Variants in POT1 observed in about 807,000 individuals in gnomAD.
The protein encoded by POT1 is protection of telomeres 1, also known as protection of telomeres protein 1.
A neutral mutation model predicts 78.5 loss-of-function variants in POT1; 47 were observed. The observed-to-expected ratio is 0.60, with a 90% confidence interval of 0.47 to 0.76. The LOEUF (loss-of-function observed/expected upper bound fraction) is 0.76. Among genes scored for constraint, POT1 ranks in the 30% least tolerant of loss-of-function variants. POT1 has a pLI of 0.00. For synonymous variants in POT1, 259 were observed against 260.7 expected (o/e 0.99, Z 0.06); for missense variants, 646 against 749.9 (o/e 0.86, Z 1.62).
chr7:124,900,997 G>A (rs1391800991), intron 3 of POT1, among the ~76,000 whole-genome samples: 1 of 152,174 alleles, frequency 6.6e-6, no homozygotes, highest in African/African-American at 2.4e-5. Context: ...CAAAGCGGCT[G>A]GGAAGCTTGA....
Position 124,841,002 on chromosome 7 carries a change from A to G in POT1, c.1340T>C (p.Leu447Pro), listed in dbSNP as rs1450240396. ...TATCAAAAGTAGACATTCATTTGAA[A>G]GCGGGAGAATACCATTATTTTTCAC... ...HFVKNNGILP[L>P]SNECLLLIEG... Residue 447 changes from leucine to proline, a missense_variant, in exon 14 of 19, where the codon CTT (leucine) becomes CCT (proline). Transcript: ENST00000357628. 2 of 1,609,764 alleles carry G rather than the reference A, an allele frequency of 1.2e-6. No homozygotes were observed. Among genetic ancestry groups the G allele is most frequent in the African/African-American group, 1.3e-5 (1 of 74,824 alleles).
intron 6 of POT1, among the ~76,000 whole-genome samples, chr7:124,874,046 G>A (rs936196057): frequency 4.6e-5 from 7 of 152,166 alleles, no homozygotes; most frequent in African/African-American, 1.2e-4. Context: ...CTTATTCTCC[G>A]CTTCCCTGAA....
At chr7:124,865,035 A>C (rs1795687049) in intron 7 of POT1, among the ~76,000 whole-genome samples, 2 of 152,308 alleles carry the variant, frequency 1.3e-5, no homozygotes, top group Admixed American at 1.3e-4. Context: ...TTTATATAAA[A>C]TGTTTTTATT....
intron 2 of POT1, among the ~76,000 whole-genome samples, chr7:124,916,019 T>C (rs972522140): frequency 6.6e-6 from 1 of 152,120 alleles, no homozygotes; most frequent in Non-Finnish European, 1.5e-5. Context: ...AATAAAGATT[T>C]AGAAATGCAA....
At chr7:124,929,636 A>C (rs1178035509) in intron 1 of POT1, 158 bp downstream of exon 1, 1 of 152,144 alleles carries the variant, frequency 6.6e-6, no homozygotes, top group African/African-American at 2.4e-5. Context: ...AAACACCAAG[A>C]AAGATGCTGA....
chr7:124,915,970 A>C (rs1205054971), intron 2 of POT1, among the ~76,000 whole-genome samples: 1 of 152,176 alleles, frequency 6.6e-6, no homozygotes, highest in Non-Finnish European at 1.5e-5. Context: ...TCTACAAAAC[A>C]ATAAAATGAT....
At chr7:124,871,479 CAT>C (rs1795866628) in intron 6 of POT1, among the ~76,000 whole-genome samples, 1 of 151,876 alleles carries the variant, frequency 6.6e-6, no homozygotes. Flanking sequence ...TGAAAACTGT[CAT>C]AAAAATCAGG....
At chr7:124,841,721 C>T (rs1795031993) in intron 13 of POT1, among the ~76,000 whole-genome samples, 1 of 151,890 alleles carries the variant, frequency 6.6e-6, no homozygotes, top group Admixed American at 6.6e-5. Flanking sequence ...GGTTCTGTTG[C>T]CAGTTAACTG....
chr7:124,841,104 A>G lies in POT1; in HGVS notation c.1238T>C (p.Leu413Pro), dbSNP rs2116461785. ...DGATKTPDVK[L>P]QNTSLYDSKI... Reference sequence around the variant, plus strand: ...TGAATCATATAATGATGTATTTTGTAGCTTGACATCTGGGGTTTTAGTTGC... The same window carrying G: ...TGAATCATATAATGATGTATTTTGTGGCTTGACATCTGGGGTTTTAGTTGC... Residue 413 changes from leucine (L) to proline (P), a missense_variant, in exon 14 of 19, where the codon CTA becomes CCA. Leu to Pro is a moderately conservative substitution (Grantham distance 98). Transcript: ENST00000357628. 6.2e-7 allele frequency: 1 copy of G among 1,612,942 alleles called. No individual in the cohort carries two copies. The highest frequency in any genetic ancestry group is 8.5e-7 in the Non-Finnish European group (1 of 1,179,228).
At chr7:124,906,513 T>C (rs921260816) in intron 3 of POT1, among the ~76,000 whole-genome samples, 8 of 145,422 alleles carry the variant, frequency 5.5e-5, no homozygotes, top group Admixed American at 6.8e-5. Context: ...GGGAGAGGGA[T>C]AGCATTAGGA....
intron 7 of POT1, among the ~76,000 whole-genome samples, chr7:124,867,007 T>A (rs1048914703): frequency 6.6e-6 from 1 of 152,218 alleles, no homozygotes; most frequent in African/African-American, 2.4e-5. Flanking sequence ...ATCATTTTTA[T>A]CACCAATTCC....
At chr7:124,896,183 C>T (rs183823824) in intron 5 of POT1, among the ~76,000 whole-genome samples, 3 of 151,566 alleles carry the variant, frequency 2.0e-5, no homozygotes, top group African/African-American at 4.8e-5. Context: ...AATGTAAAAA[C>T]AAGCATCTTT....
chr7:124,857,221 A>G (rs915537907), intron 9 of POT1, among the ~76,000 whole-genome samples: 3 of 152,202 alleles, frequency 2.0e-5, no homozygotes, highest in Admixed American at 6.5e-5. Context: ...TTAATTTCCT[A>G]TAAGTAGGCT....
chr7:124,865,387 C>A (rs1192398403), intron 7 of POT1, among the ~76,000 whole-genome samples: 1 of 152,062 alleles, frequency 6.6e-6, no homozygotes, highest in African/African-American at 2.4e-5. Flanking sequence ...TTTCCCTTCA[C>A]CCTCTCTCCT....
At chr7:124,833,401 T>C (rs570393200) in intron 15 of POT1, among the ~76,000 whole-genome samples, 3 of 152,276 alleles carry the variant, frequency 2.0e-5, no homozygotes, top group Middle Eastern at 3.4e-3. Flanking sequence ...TTGCTACAAA[T>C]GTAGAAGTCG....
At chr7:124,868,769 A>T (rs1039174078) in intron 7 of POT1, among the ~76,000 whole-genome samples, 11 of 150,068 alleles carry the variant, frequency 7.3e-5, no homozygotes, top group Non-Finnish European at 7.4e-5. Flanking sequence ...TATGTTCAAT[A>T]TAATTCAATA....
chr7:124,824,062 C>A lies in POT1; in HGVS notation c.1805G>T (p.Trp602Leu), dbSNP rs996577534. 1.9e-6 allele frequency: 3 copies of A among 1,592,568 alleles called. No individual in the cohort carries two copies. The African/African-American group carries it at 4.0e-5, about 21-fold the overall frequency. ...GTATGACTTGATGAAGCATTCCAAC[C>A]ACGGATATGCATCTACAAAAACAAA... is the stretch of plus-strand genomic sequence containing the variant. ...PPGIKIDAYPWLECFIKSYNV... is the reference protein window; with the variant it reads ...PPGIKIDAYPLLECFIKSYNV... Residue 602 changes from tryptophan (W) to leucine (L), a missense_variant, in exon 19 of 19, where the codon TGG becomes TTG. Transcript: ENST00000357628.
At position 124,842,245 on chromosome 7, in the gene POT1, A is replaced by G. The variant is rs901241496; in HGVS notation, c.1163+562T>C. On this transcript the variant is annotated intron_variant, in intron 13 of 18. Coordinates refer to ENST00000357628, the MANE Select transcript of POT1 (RefSeq NM_015450.3). ...AGGAGCTTTTAAAAATGATTTTCAG[A>G]ATATGTCTTGAGCCGATTATGTAGT... is the stretch of plus-strand genomic sequence containing the variant. 1.2e-4 allele frequency among the ~76,000 whole-genome samples: 18 copies of G among 152,136 alleles called. 2 individuals are homozygous for G. In the East Asian group the frequency reaches 3.5e-3, roughly 29 times the overall value.
intron 2 of POT1, among the ~76,000 whole-genome samples, chr7:124,917,927 T>C (rs1325573573): frequency 6.6e-6 from 1 of 151,838 alleles, no homozygotes; most frequent in Non-Finnish European, 1.5e-5. Context: ...TCCCAGGAGG[T>C]GTAGGGGAGG....
Sources: gnomAD v4.1 joint callset for allele counts (sites outside exome capture counted in the v4.1 genomes callset) on GRCh38, gnomAD v4.1.1 for gene constraint, MANE v1.5 for transcripts, NCBI Gene and HGNC (gene_info 2026-07-23, HGNC 2026-07-21) for gene names.